GRIA4: variants seen among roughly 807,000 people sequenced by gnomAD.
GRIA4 encodes glutamate receptor 4.
Under a neutral mutation model 104.0 loss-of-function variants are expected in GRIA4, and 34 were observed. The ratio of observed to expected loss-of-function variants is 0.33; its 90% CI spans 0.25 to 0.44. The LOEUF (loss-of-function observed/expected upper bound fraction) is 0.44, where lower values mean the gene tolerates loss of function less well. Among genes scored for constraint, GRIA4 ranks in the 20% least tolerant of loss-of-function variants. The pLI is 1.00. For missense variants in GRIA4, 750 were observed against 1,096.5 expected (o/e 0.68, Z 4.46); for synonymous variants, 386 against 381.9 (o/e 1.01, Z -0.13).
intron 3 of GRIA4, 170 bp downstream of exon 3, chr11:105,612,604 GTTGT>G (rs1476882609): frequency 2.6e-6 from 1 of 377,686 alleles, no homozygotes; most frequent in Non-Finnish European, 4.2e-6. Flanking sequence ...GGGATATTTA[GTTGT>G]TTTTTTTTTC....
At chr11:105,828,263 T>C (rs1943848236) in intron 4 of GRIA4, among the ~76,000 whole-genome samples, 1 of 151,990 alleles carries the variant, frequency 6.6e-6, no homozygotes. Context: ...AGAGGGAAAA[T>C]AAAACCTCCA....
At position 105,722,500 on chromosome 11, in the gene GRIA4, C is replaced by T. The variant is rs1057050386; in HGVS notation, c.248-30481C>T. Among the ~76,000 whole-genome samples the T allele has an allele frequency of 3.9e-5, 6 of 152,064 alleles. No homozygotes were observed. In the East Asian group the frequency reaches 5.8e-4, roughly 15 times the overall value. ...GTACTAGGCTTTTAGAATCATTTAC[C>T]AGAAGTTACCTGATAAAAAATTTAG... On this transcript the variant is annotated intron_variant, in intron 3 of 16. Transcript: ENST00000282499.
At chr11:105,957,067 C>T (rs987121973) in intron 14 of GRIA4, among the ~76,000 whole-genome samples, 26 of 152,240 alleles carry the variant, frequency 1.7e-4, no homozygotes, top group African/African-American at 6.3e-4. Flanking sequence ...GTTGCCTGTT[C>T]ACTCTGATGG....
chr11:105,653,321 CTAAG>C (rs2135388370), intron 3 of GRIA4, among the ~76,000 whole-genome samples: 1 of 152,276 alleles, frequency 6.6e-6, no homozygotes, highest in African/African-American at 2.4e-5. Flanking sequence ...CACTCTGGGA[CTAAG>C]TAACATTAGG....
intron 5 of GRIA4, among the ~76,000 whole-genome samples, chr11:105,881,818 C>T (rs565652087): frequency 3.5e-4 from 53 of 152,192 alleles, no homozygotes; most frequent in South Asian, 1.0e-3. Context: ...CATTACCTAG[C>T]CTCCTCCTAA....
chr11:105,934,806 CA>C (rs1947984197), intron 14 of GRIA4, among the ~76,000 whole-genome samples: 1 of 152,092 alleles, frequency 6.6e-6, no homozygotes, highest in African/African-American at 2.4e-5. Flanking sequence ...TTTCCTTAAG[CA>C]ATAAAGGCTG....
intron 4 of GRIA4, among the ~76,000 whole-genome samples, chr11:105,781,456 T>A (rs894150377): frequency 2.6e-5 from 4 of 152,118 alleles, no homozygotes; most frequent in African/African-American, 9.7e-5. Flanking sequence ...ATTTTGTGGG[T>A]TTTTTAACCA....
intron 6 of GRIA4, among the ~76,000 whole-genome samples, chr11:105,890,274 C>T (rs1235686690): frequency 1.3e-5 from 2 of 152,092 alleles, no homozygotes; most frequent in Non-Finnish European, 1.5e-5. Context: ...TATAGGTGTT[C>T]TTTAGATTCT....
intron 13 of GRIA4, among the ~76,000 whole-genome samples, chr11:105,930,137 C>T (rs971852550): frequency 2.0e-5 from 3 of 152,038 alleles, no homozygotes; most frequent in African/African-American, 7.2e-5. Context: ...CAGAAATTTT[C>T]TTCATTTTAG....
chr11:105,702,805 G>A (rs903851098), intron 3 of GRIA4, among the ~76,000 whole-genome samples: 1 of 136,972 alleles, frequency 7.3e-6, no homozygotes, highest in South Asian at 2.4e-4. Flanking sequence ...AGCAATTTTC[G>A]TACCTCAGCC....
chr11:105,894,494 A>G lies in GRIA4; in HGVS notation c.727-3775A>G, dbSNP rs182350484. On this transcript the variant is annotated intron_variant, in intron 6 of 16. Transcript: ENST00000282499. ...ACAATGCCTGGCATATAATAAGCTCAGCATATAATAGCTGTTAGCTCGTAT... is the reference window on the plus strand; with the variant it reads ...ACAATGCCTGGCATATAATAAGCTCGGCATATAATAGCTGTTAGCTCGTAT... 4.0e-3 allele frequency among the ~76,000 whole-genome samples: 603 copies of G among 152,322 alleles called. 5 individuals are homozygous for G. The highest frequency in any genetic ancestry group is 0.013 in the African/African-American group (556 of 41,562).
At chr11:105,879,107 T>C (rs1945950042) in intron 5 of GRIA4, among the ~76,000 whole-genome samples, 1 of 152,068 alleles carries the variant, frequency 6.6e-6, no homozygotes, top group Non-Finnish European at 1.5e-5. Context: ...CCATCCCTCA[T>C]GGCACATTCT....
At chr11:105,978,868 G>A (rs1435256497) in intron 16 of GRIA4, among the ~76,000 whole-genome samples, 1 of 152,200 alleles carries the variant, frequency 6.6e-6, no homozygotes, top group African/African-American at 2.4e-5. Context: ...GGAATTTACT[G>A]ATTTCAGATC....
At chr11:105,764,705 T>C (rs1314983486) in intron 4 of GRIA4, among the ~76,000 whole-genome samples, 2 of 152,070 alleles carry the variant, frequency 1.3e-5, no homozygotes, top group African/African-American at 2.4e-5. Context: ...GAATGACAAG[T>C]TTGACAGTGA....
chr11:105,802,867 A>AAT (rs1942782009), intron 4 of GRIA4, among the ~76,000 whole-genome samples: 1 of 151,844 alleles, frequency 6.6e-6, no homozygotes, highest in Non-Finnish European at 1.5e-5. Context: ...TTACATTAAG[A>AAT]ATATAAATAT....
At chr11:105,858,362 T>C (rs921127923) in intron 4 of GRIA4, among the ~76,000 whole-genome samples, 6 of 152,116 alleles carry the variant, frequency 3.9e-5, no homozygotes, top group Non-Finnish European at 7.4e-5. Context: ...ACCTATCTTT[T>C]TAAAAATGTT....
intron 3 of GRIA4, among the ~76,000 whole-genome samples, chr11:105,687,767 A>G (rs570325778): frequency 5.6e-4 from 86 of 152,302 alleles, no homozygotes; most frequent in African/African-American, 2.0e-3. Context: ...CTAGGCAGAA[A>G]ACACTTGACA....
At chr11:105,949,481 T>C (rs976028246) in intron 14 of GRIA4, among the ~76,000 whole-genome samples, 3 of 152,132 alleles carry the variant, frequency 2.0e-5, no homozygotes, top group African/African-American at 4.8e-5. Context: ...TAAAACACAG[T>C]TGTTACCCTC....
intron 4 of GRIA4, among the ~76,000 whole-genome samples, chr11:105,764,027 A>G (rs905276852): frequency 6.6e-6 from 1 of 152,250 alleles, no homozygotes; most frequent in Non-Finnish European, 1.5e-5. Flanking sequence ...CAATCTTGAA[A>G]GGACAATTCA....
Sources: gnomAD v4.1 joint callset for allele counts (sites outside exome capture counted in the v4.1 genomes callset) on GRCh38, gnomAD v4.1.1 for gene constraint, MANE v1.5 for transcripts, NCBI Gene and HGNC (gene_info 2026-07-23, HGNC 2026-07-21) for gene names.